Variants in APBA1 observed in about 807,000 individuals in gnomAD.
The protein encoded by APBA1 is amyloid beta precursor protein binding family A member 1, also known as amyloid-beta A4 precursor protein-binding family A member 1.
In APBA1, 55 loss-of-function variants were observed where a neutral mutation model predicts 86.6. That is an observed-to-expected ratio of 0.64 (90% CI 0.51 to 0.80). APBA1 has a LOEUF of 0.80. APBA1 is among the 30% of genes least tolerant of loss of function. The probability of loss-of-function intolerance (pLI) is 0.00; values close to 1 mark genes in which losing one functional copy is unlikely to be tolerated. For missense variants in APBA1, 1,090 were observed against 1,183.0 expected, an observed-to-expected ratio of 0.92 and a Z score of 1.15; for synonymous variants, 511 against 493.9, an observed-to-expected ratio of 1.03 and a Z score of -0.46.
chr9:69,492,454 TA>T (rs1203604070), intron 2 of APBA1, among the ~76,000 whole-genome samples: 3 of 152,120 alleles, frequency 2.0e-5, no homozygotes, highest in Non-Finnish European at 4.4e-5. Context: ...CCTTCCTTAT[TA>T]AAATTTTATT....
At position 69,512,722 on chromosome 9, in the gene APBA1, C is replaced by T. The variant is rs180754461; in HGVS notation, c.1200+3289G>A. ...TAGTTCTCAATCTTTCACATGCTTACGAATCTCAGGGAAAGTTTACAAAAC... is the reference window on the plus strand; with the variant it reads ...TAGTTCTCAATCTTTCACATGCTTATGAATCTCAGGGAAAGTTTACAAAAC... On this transcript the variant is annotated intron_variant, in intron 2 of 12. Coordinates refer to ENST00000265381, the MANE Select transcript of APBA1 (RefSeq NM_001163.4). 9.2e-5 allele frequency among the ~76,000 whole-genome samples: 14 copies of T among 152,108 alleles called. No homozygotes were observed. In the East Asian group the frequency reaches 2.5e-3, roughly 27 times the overall value.
intron 1 of APBA1, among the ~76,000 whole-genome samples, chr9:69,585,943 A>G (rs1822010907): frequency 6.6e-6 from 1 of 152,070 alleles, no homozygotes; most frequent in Non-Finnish European, 1.5e-5. Flanking sequence ...CTGTCCTGGC[A>G]TTTTTAAGTT....
At chr9:69,584,470 G>C (rs1821980230) in intron 1 of APBA1, among the ~76,000 whole-genome samples, 1 of 152,072 alleles carries the variant, frequency 6.6e-6, no homozygotes, top group Non-Finnish European at 1.5e-5. Context: ...TAGTCTGATG[G>C]CTAAGGATGC....
chr9:69,566,047 C>G (rs981362245), intron 1 of APBA1, among the ~76,000 whole-genome samples: 3 of 152,234 alleles, frequency 2.0e-5, no homozygotes, highest in African/African-American at 7.2e-5. Context: ...ACTCCCTGCC[C>G]TGCTCCTGCA....
chr9:69,654,725 A>G (rs1823575059), intron 1 of APBA1, among the ~76,000 whole-genome samples: 1 of 152,244 alleles, frequency 6.6e-6, no homozygotes, highest in Non-Finnish European at 1.5e-5. Context: ...TTACCTTAAT[A>G]CTAAAACCAC....
In APBA1 at chr9:69,492,723, T is replaced by G. The variant is rs545857241; in HGVS notation, c.1201-16580A>C. 2.6e-5 allele frequency among the ~76,000 whole-genome samples: 4 copies of G among 152,230 alleles called. No individual in the cohort carries two copies. The South Asian group carries it at 8.3e-4, about 32-fold the overall frequency. ...TTACATAAGAGAATCAGGGCATACG[T>G]ATGCCTCTACTGTTAATTTATAGCA... On this transcript the variant is annotated intron_variant, in intron 2 of 12. Transcript: ENST00000265381.
chr9:69,506,210 C>T lies in APBA1; in HGVS notation c.1200+9801G>A, dbSNP rs563377324. On this transcript the variant is annotated intron_variant, in intron 2 of 12. Coordinates refer to ENST00000265381, the MANE Select transcript of APBA1 (RefSeq NM_001163.4). ...CAGTGGGCGCAGGTCAGTGGGTGCG[C>T]GCACCGTGCGCGAGCCAAAGCAGGG... Among the ~76,000 whole-genome samples, 313 of 151,810 alleles carry T rather than the reference C, an allele frequency of 2.1e-3. 1 individual carries two copies. Among genetic ancestry groups the T allele is most frequent in the African/African-American group, 6.0e-3 (247 of 41,352 alleles).
At chr9:69,546,002 G>A (rs557012699) in intron 1 of APBA1, among the ~76,000 whole-genome samples, 5 of 152,204 alleles carry the variant, frequency 3.3e-5, no homozygotes, top group African/African-American at 1.2e-4. Flanking sequence ...TTTTTCATAA[G>A]TTTATAAATT....
At chr9:69,528,605 C>G (rs1307405368) in intron 1 of APBA1, among the ~76,000 whole-genome samples, 1 of 151,998 alleles carries the variant, frequency 6.6e-6, no homozygotes, top group Admixed American at 6.6e-5. Context: ...GTTATACAAA[C>G]TTGGTATTTT....
At chr9:69,596,725 C>T (rs1822237432) in intron 1 of APBA1, among the ~76,000 whole-genome samples, 2 of 152,198 alleles carry the variant, frequency 1.3e-5, no homozygotes, top group South Asian at 4.1e-4. Context: ...ACATATCCAA[C>T]TAAATATTGG....
At chr9:69,610,736 T>G (rs1425546316) in intron 1 of APBA1, among the ~76,000 whole-genome samples, 1 of 152,150 alleles carries the variant, frequency 6.6e-6, no homozygotes, top group African/African-American at 2.4e-5. Flanking sequence ...ATTATCAGAT[T>G]TTCTTTGCTC....
chr9:69,475,987 A>C (rs182018444), intron 3 of APBA1, 61 bp downstream of exon 3: 111 of 1,355,030 alleles, frequency 8.2e-5, no homozygotes, highest in South Asian at 4.0e-4. Flanking sequence ...TAGGAAGCAC[A>C]GAACAGTATT....
chr9:69,556,113 C>T (rs2133933376), intron 1 of APBA1, among the ~76,000 whole-genome samples: 1 of 152,266 alleles, frequency 6.6e-6, no homozygotes, highest in South Asian at 2.1e-4. Flanking sequence ...CAACAAGGGA[C>T]TCACATTCAG....
intron 1 of APBA1, among the ~76,000 whole-genome samples, chr9:69,656,218 A>G (rs986729796): frequency 7.2e-5 from 11 of 152,218 alleles, no homozygotes; most frequent in Admixed American, 1.3e-4. Flanking sequence ...AAAACCGGCA[A>G]TATCTCTAAA....
chr9:69,558,518 T>G (rs1315784740), intron 1 of APBA1, among the ~76,000 whole-genome samples: 3 of 143,800 alleles, frequency 2.1e-5, no homozygotes, highest in African/African-American at 7.6e-5. Context: ...GTGACTATCT[T>G]AAATTATATA....
At chr9:69,578,592 T>C (rs1189296188) in intron 1 of APBA1, among the ~76,000 whole-genome samples, 1 of 152,208 alleles carries the variant, frequency 6.6e-6, no homozygotes, top group Non-Finnish European at 1.5e-5. Context: ...CTCAAAACAA[T>C]TTTATTCATA....
chr9:69,456,909 T>G, intron 7 of APBA1, 144 bp downstream of exon 7: 1 of 650,538 alleles, frequency 1.5e-6, no homozygotes, highest in Non-Finnish European at 2.6e-6. Context: ...CAGCAGGCAC[T>G]GTGAACACCA....
At chr9:69,511,473 T>C (rs1588330612) in intron 2 of APBA1, among the ~76,000 whole-genome samples, 1 of 152,126 alleles carries the variant, frequency 6.6e-6, no homozygotes, top group African/African-American at 2.4e-5. Flanking sequence ...ACACTGTTGG[T>C]GGTACTGTAA....
chr9:69,629,999 T>G (rs1823008741), intron 1 of APBA1, among the ~76,000 whole-genome samples: 1 of 151,652 alleles, frequency 6.6e-6, no homozygotes, highest in Non-Finnish European at 1.5e-5. Flanking sequence ...GGAAAAGAGA[T>G]AATATCACAA....
Sources: gnomAD v4.1 joint callset for allele counts (sites outside exome capture counted in the v4.1 genomes callset) on GRCh38, gnomAD v4.1.1 for gene constraint, MANE v1.5 for transcripts, NCBI Gene and HGNC (gene_info 2026-07-23, HGNC 2026-07-21) for gene names.